The following SYN3 variants were observed in gnomAD, a reference collection of about 807,000 sequenced individuals.
The protein encoded by SYN3 is synapsin III, also known as synapsin-3.
A neutral mutation model predicts 65.8 loss-of-function variants in SYN3; 35 were observed. That is an observed-to-expected ratio of 0.53 (90% CI 0.41 to 0.70). The LOEUF (loss-of-function observed/expected upper bound fraction) is 0.70, where lower values mean the gene tolerates loss of function less well. Among genes scored for constraint, SYN3 ranks in the 30% least tolerant of loss-of-function variants. The pLI, the probability that SYN3 is intolerant of heterozygous loss-of-function variation, is 0.00. For synonymous variants in SYN3, 270 were observed against 292.9 expected, an observed-to-expected ratio of 0.92 and a Z score of 0.80; for missense variants, 680 against 749.0, an observed-to-expected ratio of 0.91 and a Z score of 1.08.
chr22:32,823,386 C>T (rs898177808), intron 6 of SYN3, among the ~76,000 whole-genome samples: 1 of 152,070 alleles, frequency 6.6e-6, no homozygotes, highest in Non-Finnish European at 1.5e-5. Flanking sequence ...GGGTGGATGT[C>T]CTCTGCCTCT....
In SYN3 at chr22:32,801,025, T is replaced by C. The variant is rs2046557992; in HGVS notation, c.711+63890A>G. Among the ~76,000 whole-genome samples the C allele has an allele frequency of 2.0e-5, 3 of 152,190 alleles. No individual in the cohort carries two copies. Among genetic ancestry groups the C allele is most frequent in the Non-Finnish European group, 4.4e-5 (3 of 68,040 alleles). ...TGTCCACGGGGGCAAGGGCTTTGTG[T>C]TGCTTAACCCAGCATCCTGAACCGT... is the stretch of plus-strand genomic sequence containing the variant. On this transcript the variant is annotated intron_variant, in intron 6 of 13. Coordinates refer to ENST00000358763, the MANE Select transcript of SYN3 (RefSeq NM_003490.4). This position sits in a 1 kb window ranked among gnomAD's most constrained non-coding sequence, Gnocchi z 4.7.
At chr22:32,580,540 T>G (rs1207984463) in intron 7 of SYN3, among the ~76,000 whole-genome samples, 1 of 152,198 alleles carries the variant, frequency 6.6e-6, no homozygotes, top group Non-Finnish European at 1.5e-5. Context: ...ATGTAGGGTT[T>G]GGTACTGTTC....
At chr22:32,616,330 G>A (rs1047310769) in intron 6 of SYN3, among the ~76,000 whole-genome samples, 9 of 152,176 alleles carry the variant, frequency 5.9e-5, no homozygotes, top group South Asian at 2.1e-4. Flanking sequence ...AGGGGAAAAC[G>A]ACCAGGGCCC....
At chr22:32,571,566 A>G (rs1482191879) in intron 7 of SYN3, among the ~76,000 whole-genome samples, 1 of 152,194 alleles carries the variant, frequency 6.6e-6, no homozygotes, top group African/African-American at 2.4e-5. Flanking sequence ...CTCCTCCCAC[A>G]ACCCTTGACC....
rs59432094 is a variant in SYN3, at chr22:32,531,148, C to CAAAAAAAAAA, written c.1096-2150_1096-2141dup. Among the ~76,000 whole-genome samples the CAAAAAAAAAA allele has an allele frequency of 1.5e-4, 4 of 26,150 alleles. 1 individual carries two copies. The highest frequency in any genetic ancestry group is 6.6e-4 in the African/African-American group (4 of 6,036). The allele number at this position is 26,150 out of a possible 152,430, so 17.2% of individuals were successfully genotyped here. A position where few individuals can be genotyped will look rare whatever the true frequency, so the allele number is the denominator to read the frequency against. On this transcript the variant is annotated intron_variant, in intron 10 of 13. Coordinates refer to ENST00000358763, the MANE Select transcript of SYN3 (RefSeq NM_003490.4). ...CTGGCGACAGAATGAGACCCCGTCT[C>CAAAAAAAAAA]AAAAAAAAAAAAAAAAAAAAAAAAA...
At chr22:32,620,457 CAT>C (rs1310924208) in intron 6 of SYN3, among the ~76,000 whole-genome samples, 1 of 152,004 alleles carries the variant, frequency 6.6e-6, no homozygotes, top group East Asian at 1.9e-4. Context: ...GTAAATAAGA[CAT>C]ATTTTCTTTT....
At chr22:32,817,453 G>T (rs958153309) in intron 6 of SYN3, among the ~76,000 whole-genome samples, 8 of 152,148 alleles carry the variant, frequency 5.3e-5, no homozygotes, top group Admixed American at 5.2e-4. Context: ...AACCCCTTTT[G>T]CCCACTTGCC....
chr22:32,922,501 A>T (rs1194787552), intron 4 of SYN3, among the ~76,000 whole-genome samples: 2 of 152,182 alleles, frequency 1.3e-5, no homozygotes, highest in African/African-American at 4.8e-5. Flanking sequence ...TGTATGTGCA[A>T]TTCAAGCTGG....
At chr22:32,914,958 C>A (rs1453285321) in intron 4 of SYN3, among the ~76,000 whole-genome samples, 1 of 152,180 alleles carries the variant, frequency 6.6e-6, no homozygotes, top group East Asian at 1.9e-4. Flanking sequence ...CTGGTGGCTG[C>A]AAATATGAAA....
intron 6 of SYN3, among the ~76,000 whole-genome samples, chr22:32,665,425 C>G (rs2060277007): frequency 6.6e-6 from 1 of 151,944 alleles, no homozygotes; most frequent in Non-Finnish European, 1.5e-5. Context: ...CCAATTCCAT[C>G]CAGGTTGGTG....
At chr22:32,684,111 TGCTGCATCC>T (rs1439942229) in intron 6 of SYN3, among the ~76,000 whole-genome samples, 7 of 152,056 alleles carry the variant, frequency 4.6e-5, no homozygotes, top group African/African-American at 1.7e-4. Flanking sequence ...TTAATCAGAG[TGCTGCATCC>T]CTCCCAGGAA....
At chr22:32,756,622 T>G (rs2045299320) in intron 6 of SYN3, among the ~76,000 whole-genome samples, 1 of 152,132 alleles carries the variant, frequency 6.6e-6, no homozygotes, top group Non-Finnish European at 1.5e-5. Context: ...CCCTCATGGT[T>G]TGGTGCTGTC....
At position 32,518,093 on chromosome 22, in the gene SYN3, G is replaced by T; in HGVS notation, c.1560C>A (p.Ser520=). 2 of 1,554,684 alleles carry T rather than the reference G, an allele frequency of 1.3e-6. No individual in the cohort carries two copies. The change falls in exon 13 of 14, where the codon TCC becomes TCA. Residue 520 remains serine, a synonymous_variant. Transcript: ENST00000358763. ...PRPPVQGRST[S]QQGEESKKPA... ...GCTTCTTGGACTCTTCACCCTGCTGGGAGGTACTACGGCCCTGCACAGGGG... is the reference window on the plus strand; with the variant it reads ...GCTTCTTGGACTCTTCACCCTGCTGTGAGGTACTACGGCCCTGCACAGGGG...
chr22:32,624,909 C>T lies in SYN3; in HGVS notation c.712-28173G>A, dbSNP rs146002804. 1.4e-4 allele frequency among the ~76,000 whole-genome samples: 22 copies of T among 152,290 alleles called. No individual in the cohort carries two copies. The East Asian group carries it at 3.7e-3, about 25-fold the overall frequency. On this transcript the variant is annotated intron_variant, in intron 6 of 13. Coordinates refer to ENST00000358763, the MANE Select transcript of SYN3 (RefSeq NM_003490.4). Reference sequence around the variant, plus strand: ...GCTCAGAAAGAGGATGTCACTTGCTCAAGTCAAATAAGCTGGTGACTGACC... The same window carrying T: ...GCTCAGAAAGAGGATGTCACTTGCTTAAGTCAAATAAGCTGGTGACTGACC...
intron 6 of SYN3, among the ~76,000 whole-genome samples, chr22:32,707,669 A>G (rs1220560447): frequency 7.2e-6 from 1 of 139,764 alleles, no homozygotes; most frequent in Non-Finnish European, 1.5e-5. Flanking sequence ...AGTAACTGGC[A>G]TGAAATGGAG....
intron 6 of SYN3, among the ~76,000 whole-genome samples, chr22:32,659,073 G>A (rs1334083591): frequency 1.3e-5 from 2 of 152,186 alleles, no homozygotes; most frequent in Non-Finnish European, 2.9e-5. Flanking sequence ...CACAATGAGA[G>A]CAAGTGGTGA....
rs199889791 is a variant in SYN3 at position 32,899,865 on chromosome 22, G to A, written c.462-30740C>T. Among the ~76,000 whole-genome samples, 16 of 2,280 alleles carry A rather than the reference G, an allele frequency of 7.0e-3. 8 individuals carry two copies. The East Asian group carries it at 0.24, about 34-fold the overall frequency. 1.5% of individuals were successfully genotyped at this position (2,280 alleles called of 152,430 possible). On this transcript the variant is annotated intron_variant, in intron 4 of 13. Coordinates refer to ENST00000358763, the MANE Select transcript of SYN3 (RefSeq NM_003490.4). ...GGGTGGATCATGAGGTCAGGAGATC[G>A]AGACCATCCTGGCTAACAAGGTGAA...
intron 6 of SYN3, among the ~76,000 whole-genome samples, chr22:32,611,743 G>T (rs551496622): frequency 6.6e-6 from 1 of 152,304 alleles, no homozygotes; most frequent in South Asian, 2.1e-4. Context: ...CATGCATTTA[G>T]TCTGTGCTTC....
intron 3 of SYN3, among the ~76,000 whole-genome samples, chr22:32,977,772 A>T (rs2145634505): frequency 6.6e-6 from 1 of 150,618 alleles, no homozygotes; most frequent in South Asian, 2.1e-4. Flanking sequence ...GCGGTGACTT[A>T]TCGCCCCTGG....
Sources: gnomAD v4.1 joint callset for allele counts (sites outside exome capture counted in the v4.1 genomes callset) on GRCh38, gnomAD v4.1.1 for gene constraint, Gnocchi (gnomAD v3.1) non-coding constraint, MANE v1.5 for transcripts, NCBI Gene and HGNC (gene_info 2026-07-23, HGNC 2026-07-21) for gene names.